The following TMCC1 variants were observed in gnomAD, a reference collection of about 807,000 sequenced individuals.
TMCC1 encodes transmembrane and coiled-coil domains protein 1.
In TMCC1, 15 loss-of-function variants were observed where a neutral mutation model predicts 52.4. The ratio of observed to expected loss-of-function variants is 0.29; its 90% CI spans 0.19 to 0.44. The LOEUF is 0.44. TMCC1 is among the 20% of genes least tolerant of loss of function. The pLI, the probability that TMCC1 is intolerant of heterozygous loss-of-function variation, is 1.00. For synonymous variants in TMCC1, 279 were observed against 301.9 expected (o/e 0.92, Z 0.79); for missense variants, 503 against 806.0 (o/e 0.62, Z 4.55).
At chr3:129,893,132 T>G (rs1160720424) in intron 1 of TMCC1, 1 of 152,280 alleles carries the variant, frequency 6.6e-6, no homozygotes, top group Non-Finnish European at 1.5e-5. Flanking sequence ...AACCGGCTCC[T>G]AAACAGTCCC....
chr3:129,770,089 A>G (rs1211082922), intron 4 of TMCC1, among the ~76,000 whole-genome samples: 1 of 152,220 alleles, frequency 6.6e-6, no homozygotes, highest in Non-Finnish European at 1.5e-5. Context: ...TATGTTATTA[A>G]AGGAGAACAC....
chr3:129,807,699 A>G (rs937007035), intron 4 of TMCC1, among the ~76,000 whole-genome samples: 1 of 152,214 alleles, frequency 6.6e-6, no homozygotes, highest in African/African-American at 2.4e-5. Context: ...CTAACAATAC[A>G]AGAATACATG....
chr3:129,730,694 C>T (rs2050470764), intron 4 of TMCC1, among the ~76,000 whole-genome samples: 1 of 152,138 alleles, frequency 6.6e-6, no homozygotes, highest in Admixed American at 6.5e-5. Context: ...ACAAAAAGGT[C>T]CTGCTGAGAT....
chr3:129,770,453 T>C (rs935147285), intron 4 of TMCC1, among the ~76,000 whole-genome samples: 1 of 151,942 alleles, frequency 6.6e-6, no homozygotes, highest in African/African-American at 2.4e-5. Context: ...GAGGTAGAGG[T>C]TGCAGTCCCA....
intron 4 of TMCC1, among the ~76,000 whole-genome samples, chr3:129,741,177 A>G (rs1365135207): frequency 6.6e-6 from 1 of 152,218 alleles, no homozygotes; most frequent in Non-Finnish European, 1.5e-5. Flanking sequence ...TGTGTTGACT[A>G]TGACAGTATA....
chr3:129,750,100 GA>G (rs2052356651), intron 4 of TMCC1, among the ~76,000 whole-genome samples: 1 of 152,084 alleles, frequency 6.6e-6, no homozygotes, highest in Non-Finnish European at 1.5e-5. Context: ...GTGTTTCTTG[GA>G]TAAGTCATCA....
chr3:129,890,810 T>C (rs575734175), intron 1 of TMCC1, among the ~76,000 whole-genome samples: 1 of 152,328 alleles, frequency 6.6e-6, no homozygotes, highest in South Asian at 2.1e-4. Context: ...ATTTATGGAA[T>C]TTTCCAGAAG....
At chr3:129,883,128 A>T (rs1187611934) in intron 1 of TMCC1, among the ~76,000 whole-genome samples, 5 of 134,378 alleles carry the variant, frequency 3.7e-5, no homozygotes, top group African/African-American at 1.6e-4. Flanking sequence ...GCCTCTACTA[A>T]AAACACACAC....
intron 3 of TMCC1, among the ~76,000 whole-genome samples, chr3:129,831,522 A>C (rs1262260573): frequency 6.6e-6 from 1 of 152,214 alleles, no homozygotes; most frequent in African/African-American, 2.4e-5. Flanking sequence ...TACTGTACTG[A>C]TTATAAAACG....
At chr3:129,824,501 G>A (rs2058570068) in intron 4 of TMCC1, among the ~76,000 whole-genome samples, 1 of 152,080 alleles carries the variant, frequency 6.6e-6, no homozygotes, top group Non-Finnish European at 1.5e-5. Context: ...AGATCATTAA[G>A]GATAATCAAA....
chr3:129,845,068 A>G (rs968669808), intron 2 of TMCC1, among the ~76,000 whole-genome samples: 3 of 152,012 alleles, frequency 2.0e-5, no homozygotes, highest in African/African-American at 7.3e-5. Flanking sequence ...GTATCCCTGT[A>G]GTCCCAGCTA....
At chr3:129,858,937 G>A (rs1282859459) in intron 2 of TMCC1, among the ~76,000 whole-genome samples, 1 of 152,170 alleles carries the variant, frequency 6.6e-6, no homozygotes, top group African/African-American at 2.4e-5. Context: ...TTTTAAATAA[G>A]TGATTACCTT....
intron 4 of TMCC1, among the ~76,000 whole-genome samples, chr3:129,726,007 G>C (rs954372329): frequency 2.0e-5 from 3 of 152,120 alleles, no homozygotes; most frequent in Non-Finnish European, 4.4e-5. Flanking sequence ...GAATAGAAGG[G>C]AACATCTGAT....
At chr3:129,686,617 T>C (rs939145222) in intron 4 of TMCC1, among the ~76,000 whole-genome samples, 85 of 152,312 alleles carry the variant, frequency 5.6e-4, no homozygotes, top group African/African-American at 2.0e-3. Flanking sequence ...AGGAGGTTTA[T>C]GGCTGAGTGG....
chr3:129,740,850 C>T (rs562895257), intron 4 of TMCC1, among the ~76,000 whole-genome samples: 26 of 152,122 alleles, frequency 1.7e-4, no homozygotes, highest in Admixed American at 5.9e-4. Flanking sequence ...TTCTAGCACA[C>T]GTACAGATAA....
chr3:129,844,142 C>T (rs2670895), intron 2 of TMCC1, among the ~76,000 whole-genome samples: 95,906 of 152,026 alleles, frequency 0.63, 35,488 homozygotes, highest in Non-Finnish European at 0.83. Context: ...TAACAAAAAA[C>T]GCAGAAAACA....
chr3:129,870,599 C>T lies in TMCC1; in HGVS notation c.-184+9710G>A, dbSNP rs190646502. 2.4e-3 allele frequency among the ~76,000 whole-genome samples: 353 copies of T among 150,024 alleles called. 7 individuals carry two copies. Among genetic ancestry groups the T allele is most frequent in the Admixed American group, 0.016 (241 of 14,986 alleles). ...CTAAAAATACAAAAAATTAGCCAGG[C>T]GTGGTGGCTGGCGCCTGTAGTCCCA... On this transcript the variant is annotated intron_variant, in intron 2 of 6. Coordinates refer to ENST00000393238, the MANE Select transcript of TMCC1 (RefSeq NM_001017395.5).
At chr3:129,758,335 A>G (rs554385479) in intron 4 of TMCC1, among the ~76,000 whole-genome samples, 1 of 152,370 alleles carries the variant, frequency 6.6e-6, no homozygotes, top group East Asian at 1.9e-4. Flanking sequence ...AATGGAATTC[A>G]TGTTTAGGTT....
At chr3:129,659,235 GACT>G (rs915258854) in intron 5 of TMCC1, among the ~76,000 whole-genome samples, 4 of 151,502 alleles carry the variant, frequency 2.6e-5, no homozygotes, top group Admixed American at 6.6e-5. Flanking sequence ...GAGTAGCTGG[GACT>G]ACTGACATGC....
Sources: allele counts gnomAD v4.1 joint callset (sites outside exome capture counted in the v4.1 genomes callset), GRCh38; gene constraint gnomAD v4.1.1; transcripts MANE v1.5; gene names NCBI Gene and HGNC (gene_info 2026-07-23, HGNC 2026-07-21).